Variants in NUMB observed in about 807,000 individuals in gnomAD.
NUMB encodes the protein protein numb homolog.
A neutral mutation model predicts 59.7 loss-of-function variants in NUMB; 29 were observed. That is an observed-to-expected ratio of 0.49 (90% CI 0.36 to 0.66). NUMB has a LOEUF of 0.66. Among genes scored for constraint, NUMB ranks in the 30% least tolerant of loss-of-function variants. The pLI, the probability that NUMB is intolerant of heterozygous loss-of-function variation, is 0.00. For synonymous variants in NUMB, 288 were observed against 288.2 expected, an observed-to-expected ratio of 1.00 and a Z score of 0.01; for missense variants, 723 against 822.0, an observed-to-expected ratio of 0.88 and a Z score of 1.47.
intron 1 of NUMB, among the ~76,000 whole-genome samples, chr14:73,427,216 C>T (rs1043836800): frequency 3.3e-5 from 5 of 151,862 alleles, no homozygotes; most frequent in East Asian, 3.9e-4. Context: ...CGGTGGCTCA[C>T]GCCTGTAATC....
intron 3 of NUMB, among the ~76,000 whole-genome samples, chr14:73,358,194 G>A (rs894705567): frequency 4.6e-5 from 7 of 152,162 alleles, no homozygotes; most frequent in Admixed American, 4.6e-4. Context: ...GAGCTCCATA[G>A]AGGCAAAGAG....
At chr14:73,419,411 A>C (rs1161992547) in intron 1 of NUMB, among the ~76,000 whole-genome samples, 1 of 152,164 alleles carries the variant, frequency 6.6e-6, no homozygotes, top group Non-Finnish European at 1.5e-5. Context: ...TAGGAGGCTG[A>C]GGCAGGAGAA....
At chr14:73,361,557 C>T (rs1016385638) in intron 3 of NUMB, among the ~76,000 whole-genome samples, 2 of 151,908 alleles carry the variant, frequency 1.3e-5, no homozygotes, top group African/African-American at 4.8e-5. Flanking sequence ...TATTTCAACA[C>T]CCAGGTATTA....
chr14:73,277,390 T>C lies in NUMB; in HGVS notation c.1241-97A>G, dbSNP rs1888247424. The C allele has an allele frequency of 3.1e-6, 3 of 954,566 alleles. No individual in the cohort carries two copies. The South Asian group carries it at 5.2e-5, about 17-fold the overall frequency. 59.1% of individuals were successfully genotyped at this position (954,566 alleles called of 1,614,324 possible). ...TTGAATGATCCTAACATGTACAACA[T>C]GTCCCCCCCTAATGGGACATTTTGT... On this transcript the variant is annotated intron_variant, in intron 12 of 12. Coordinates refer to ENST00000555238, the MANE Select transcript of NUMB (RefSeq NM_001005743.2).
At chr14:73,279,695 C>A (rs1242765583) in intron 11 of NUMB, among the ~76,000 whole-genome samples, 1 of 152,108 alleles carries the variant, frequency 6.6e-6, no homozygotes, top group Non-Finnish European at 1.5e-5. Context: ...GGAAATGAAA[C>A]CTACGAAAAC....
chr14:73,355,344 G>A (rs1260928827), intron 4 of NUMB, among the ~76,000 whole-genome samples: 1 of 152,016 alleles, frequency 6.6e-6, no homozygotes, highest in Non-Finnish European at 1.5e-5. Flanking sequence ...AGGGTCTTTA[G>A]GTATTTCAGG....
At position 73,280,448 on chromosome 14, in the gene NUMB, T is replaced by G. The variant is rs143254687; in HGVS notation, c.1097-1024A>C. ...TCACAGAACATTTTTTAACAAAGAT[T>G]TTTTTCCCCCTCTATGATGTTTACA... On this transcript the variant is annotated intron_variant, in intron 11 of 12. Coordinates refer to ENST00000555238, the MANE Select transcript of NUMB (RefSeq NM_001005743.2). Among the ~76,000 whole-genome samples the G allele has an allele frequency of 4.0e-5, 6 of 151,876 alleles. No homozygotes were observed. The South Asian group carries it at 6.2e-4, about 16-fold the overall frequency.
intron 4 of NUMB, among the ~76,000 whole-genome samples, chr14:73,332,174 C>T (rs1056953502): frequency 4.6e-5 from 7 of 152,126 alleles, no homozygotes; most frequent in Non-Finnish European, 1.0e-4. Flanking sequence ...GTTCTCAGTT[C>T]TAATTATCTG....
At chr14:73,435,745 G>A (rs571126899) in intron 1 of NUMB, among the ~76,000 whole-genome samples, 20 of 151,704 alleles carry the variant, frequency 1.3e-4, no homozygotes, top group African/African-American at 4.8e-4. Context: ...AGTGGCTCAC[G>A]CCTGTAATCC....
chr14:73,282,356 A>ATGG lies in NUMB; in HGVS notation c.1096+2_1096+3insCCA, dbSNP rs1888687109. The ATGG allele has an allele frequency of 6.2e-7, 1 of 1,613,974 alleles. No individual in the cohort carries two copies. The highest frequency in any genetic ancestry group is 1.3e-5 in the African/African-American group (1 of 74,926). On this transcript the variant is annotated splice_region_variant and intron_variant, in intron 11 of 12. Transcript: ENST00000555238. ...ACAGCTGAGCAGGTCAGAGGGCACC[A>ATGG]ACCTTGGAAGGTAGGAGATTGTGGT...
At position 73,322,905 on chromosome 14, in the gene NUMB, G is replaced by A. The variant is rs139990347; in HGVS notation, c.201+225C>T. ...AGGGTCTTGAAATGTTGCCCAGGCT[G>A]GTCTCAAACTCCTGGCCTCATGTAA... On this transcript the variant is annotated intron_variant, in intron 5 of 12. Transcript: ENST00000555238. The A allele has an allele frequency of 4.9e-4, 160 of 323,608 alleles. 3 individuals carry two copies. The highest frequency in any genetic ancestry group is 3.3e-3 in the African/African-American group (154 of 46,666). 20.0% of individuals were successfully genotyped at this position (323,608 alleles called of 1,614,324 possible).
intron 4 of NUMB, among the ~76,000 whole-genome samples, chr14:73,328,467 G>T (rs999498740): frequency 2.6e-5 from 4 of 151,934 alleles, no homozygotes; most frequent in African/African-American, 9.7e-5. Flanking sequence ...AAGAAATTTG[G>T]TCATATGGTA....
chr14:73,354,224 A>G (rs1893641339), intron 4 of NUMB, among the ~76,000 whole-genome samples: 1 of 152,084 alleles, frequency 6.6e-6, no homozygotes, highest in Admixed American at 6.6e-5. Context: ...ATAAGAATAC[A>G]TAGGCCGAGT....
chr14:73,349,751 T>C (rs942482907), intron 4 of NUMB, among the ~76,000 whole-genome samples: 12 of 151,610 alleles, frequency 7.9e-5, no homozygotes, highest in African/African-American at 2.9e-4. Context: ...TGGTGGCAGG[T>C]GCCTGTAGTC....
chr14:73,394,301 CATT>C (rs1896011743), intron 2 of NUMB, among the ~76,000 whole-genome samples: 2 of 151,112 alleles, frequency 1.3e-5, no homozygotes, highest in Non-Finnish European at 2.9e-5. Flanking sequence ...TGTATGTATA[CATT>C]GTGAAATGGT....
rs1255333935 is a variant in NUMB at position 73,447,649 on chromosome 14, C to T, written c.-233+10844G>A. On this transcript the variant is annotated intron_variant, in intron 1 of 12. Transcript: ENST00000555238. Reference sequence around the variant, plus strand: ...AAGGAAAAAAAAACAAACAAACCTGCGCAACATAGAATGACCTCATCTCTA... The same window carrying T: ...AAGGAAAAAAAAACAAACAAACCTGTGCAACATAGAATGACCTCATCTCTA... Among the ~76,000 whole-genome samples the T allele has an allele frequency of 2.7e-5, 4 of 147,478 alleles. No individual in the cohort carries two copies. In the South Asian group the frequency reaches 6.5e-4, roughly 24 times the overall value.
At chr14:73,301,614 A>C (rs534333625) in intron 6 of NUMB, among the ~76,000 whole-genome samples, 173 of 151,590 alleles carry the variant, frequency 1.1e-3, no homozygotes, top group Non-Finnish European at 2.0e-3. Context: ...ATTTTTAAAC[A>C]ATTTTTTGTA....
chr14:73,292,990 G>C, intron 7 of NUMB, 116 bp from the exon 8 acceptor site: 1 of 1,000,122 alleles, frequency 1.0e-6, no homozygotes, highest in East Asian at 2.5e-5. Flanking sequence ...ACTAGGCTAT[G>C]GAATACCTAG....
rs1381693968 is a variant in NUMB at position 73,366,991 on chromosome 14, GAGAATAATAA to G, written c.-100-20_-100-11del. 2.0e-5 allele frequency: 3 copies of G among 152,020 alleles called. No individual in the cohort carries two copies. Among genetic ancestry groups the G allele is most frequent in the Non-Finnish European group, 4.4e-5 (3 of 68,014 alleles). The allele number at this position is 152,020 out of a possible 1,614,324, so 9.4% of individuals were successfully genotyped here. On this transcript the variant is annotated splice_polypyrimidine_tract_variant and intron_variant, in intron 2 of 12. Coordinates refer to ENST00000555238, the MANE Select transcript of NUMB (RefSeq NM_001005743.2). The stretch of plus-strand genomic sequence containing the variant: ...GCCTCAGTTTCCTCATCTGTAAAAT[GAGAATAATAA>G]ACATCTCACAAAATTGTTGTAACAT...
Sources: gnomAD v4.1 joint callset for allele counts (sites outside exome capture counted in the v4.1 genomes callset) on GRCh38, gnomAD v4.1.1 for gene constraint, MANE v1.5 for transcripts, NCBI Gene and HGNC (gene_info 2026-07-23, HGNC 2026-07-21) for gene names.